The following GALNT13 variants were observed in gnomAD, a reference collection of about 807,000 sequenced individuals.
GALNT13 encodes the protein UDP-GalNAc:polypeptide N-acetylgalactosaminyltransferase 13.
GALNT13 carries 28 observed loss-of-function variants against 64.2 expected under a neutral mutation model. The ratio of observed to expected loss-of-function variants is 0.44; its 90% CI spans 0.32 to 0.60. The LOEUF (loss-of-function observed/expected upper bound fraction) is 0.60. Among genes scored for constraint, GALNT13 ranks in the 20% least tolerant of loss-of-function variants. The pLI is 0.05. For synonymous variants in GALNT13, 214 were observed against 224.6 expected (o/e 0.95, Z 0.42); for missense variants, 577 against 669.8 (o/e 0.86, Z 1.53).
intron 3 of GALNT13, among the ~76,000 whole-genome samples, chr2:154,115,180 A>G (rs1053595631): frequency 6.6e-6 from 1 of 152,204 alleles, no homozygotes; most frequent in African/African-American, 2.4e-5. Flanking sequence ...CTCTTCCTCT[A>G]CATTAAACCA....
the GALNT13 span, among the ~76,000 whole-genome samples, chr2:153,166,619 G>A: frequency 3.5e-5 from 5 of 140,922 alleles, no homozygotes; most frequent in African/African-American, 1.4e-4. Context: ...TTTGCCTACT[G>A]CATGTGTGTG....
At chr2:154,109,003 T>C (rs1313883253) in intron 3 of GALNT13, among the ~76,000 whole-genome samples, 1 of 152,096 alleles carries the variant, frequency 6.6e-6, no homozygotes. Flanking sequence ...TTTTAACTCA[T>C]GATTACCTTG....
chr2:153,958,056 A>G (rs1692697219), intron 3 of GALNT13, among the ~76,000 whole-genome samples: 2 of 152,212 alleles, frequency 1.3e-5, no homozygotes, highest in African/African-American at 4.8e-5. Flanking sequence ...TGCAATGGAC[A>G]CAGGTTTGAC....
rs370200604 is a variant in GALNT13, at chr2:154,049,777, T to A, written c.143-90560T>A. On this transcript the variant is annotated intron_variant, in intron 3 of 12. Transcript: ENST00000392825. The stretch of plus-strand genomic sequence containing the variant: ...TGACAAGCTGGAAAAGAATGGGTTG[T>A]CTATTACTGATTATGTAGTCTCTAA... Among the ~76,000 whole-genome samples, 10 of 151,946 alleles carry A rather than the reference T, an allele frequency of 6.6e-5. No homozygotes were observed. The East Asian group carries it at 1.5e-3, about 23-fold the overall frequency.
the GALNT13 span, among the ~76,000 whole-genome samples, chr2:153,661,502 A>G: frequency 2.0e-5 from 3 of 152,176 alleles, no homozygotes; most frequent in African/African-American, 7.2e-5. Flanking sequence ...AAAGCATACT[A>G]ATTGTAAGAA....
At chr2:153,293,028 T>A in the GALNT13 span, among the ~76,000 whole-genome samples, 1 of 152,124 alleles carries the variant, frequency 6.6e-6, no homozygotes, top group Non-Finnish European at 1.5e-5. Flanking sequence ...GGTCATACCC[T>A]CTCTCTTCCA....
chr2:153,478,427 C>T, the GALNT13 span: 1 of 1,614,058 alleles, frequency 6.2e-7, no homozygotes, highest in Non-Finnish European at 8.5e-7. Flanking sequence ...CTACGCTCGT[C>T]CGGGCCTCCC....
intron 3 of GALNT13, among the ~76,000 whole-genome samples, chr2:154,079,481 A>C (rs1701160260): frequency 6.6e-6 from 1 of 151,694 alleles, no homozygotes; most frequent in South Asian, 2.1e-4. Context: ...TTTATTTAAC[A>C]GCTTTATAAC....
At chr2:153,765,302 G>C in the GALNT13 span, among the ~76,000 whole-genome samples, 2 of 152,150 alleles carry the variant, frequency 1.3e-5, no homozygotes, top group Admixed American at 6.5e-5. Flanking sequence ...GGGTGGCACT[G>C]CCTAAGCCCA....
chr2:153,093,428 AG>A, the GALNT13 span, among the ~76,000 whole-genome samples: 6 of 151,836 alleles, frequency 4.0e-5, no homozygotes, highest in Admixed American at 3.9e-4. Flanking sequence ...TAGTAGAGAC[AG>A]GGTTTCACCA....
chr2:154,084,803 T>C (rs1334338852), intron 3 of GALNT13, among the ~76,000 whole-genome samples: 1 of 151,954 alleles, frequency 6.6e-6, no homozygotes, highest in African/African-American at 2.4e-5. Flanking sequence ...TGACATTGTA[T>C]TTGAAATTGT....
chr2:153,316,834 A>C, the GALNT13 span, among the ~76,000 whole-genome samples: 1 of 152,132 alleles, frequency 6.6e-6, no homozygotes, highest in Admixed American at 6.6e-5. Flanking sequence ...GGAATAAGTG[A>C]CGTGGCAGAG....
rs61575028 is a variant in GALNT13, at chr2:153,888,694, A to T, written c.-176-12242A>T. Among the ~76,000 whole-genome samples, 116 of 152,130 alleles carry T rather than the reference A, an allele frequency of 7.6e-4. 2 individuals are homozygous for T. The East Asian group carries it at 0.02, about 27-fold the overall frequency. ...TCTACATAAAATATATTTAAAATCA[A>T]GTACTAACTCCTGCCAATTCTGGGG... On this transcript the variant is annotated intron_variant, in intron 1 of 12. Coordinates refer to ENST00000392825, the MANE Select transcript of GALNT13 (RefSeq NM_052917.4).
intron 4 of GALNT13, among the ~76,000 whole-genome samples, chr2:154,176,044 T>C (rs1040574852): frequency 6.6e-6 from 1 of 152,040 alleles, no homozygotes; most frequent in African/African-American, 2.4e-5. Context: ...CCTGTGTTAA[T>C]GATTTCTCTG....
intron 3 of GALNT13, among the ~76,000 whole-genome samples, chr2:153,960,193 G>A (rs1692848505): frequency 1.3e-5 from 2 of 152,168 alleles, no homozygotes; most frequent in South Asian, 2.1e-4. Context: ...TGCCACCATT[G>A]GCTCTGCTGA....
chr2:153,099,578 A>G, the GALNT13 span, among the ~76,000 whole-genome samples: 1 of 152,236 alleles, frequency 6.6e-6, no homozygotes, highest in Non-Finnish European at 1.5e-5. Flanking sequence ...TTATGCTTAA[A>G]TGAGAATTAT....
chr2:154,205,516 G>T (rs529017224), intron 4 of GALNT13, among the ~76,000 whole-genome samples: 1 of 152,304 alleles, frequency 6.6e-6, no homozygotes, highest in East Asian at 1.9e-4. Flanking sequence ...TGGGTATATT[G>T]TCACATAGAC....
At chr2:153,691,986 T>A in the GALNT13 span, among the ~76,000 whole-genome samples, 1 of 152,156 alleles carries the variant, frequency 6.6e-6, no homozygotes, top group Non-Finnish European at 1.5e-5. Flanking sequence ...AACACCATTT[T>A]GGAGAACATT....
the GALNT13 span, among the ~76,000 whole-genome samples, chr2:153,406,743 A>G: frequency 2.0e-5 from 3 of 152,148 alleles, no homozygotes; most frequent in Non-Finnish European, 4.4e-5. Flanking sequence ...AGCATTTACA[A>G]ATTTAGTATA....
Sources: gnomAD v4.1 joint callset for allele counts (sites outside exome capture counted in the v4.1 genomes callset) on GRCh38, gnomAD v4.1.1 for gene constraint, MANE v1.5 for transcripts, NCBI Gene and HGNC (gene_info 2026-07-23, HGNC 2026-07-21) for gene names.